CNTN4: variants seen among roughly 807,000 people sequenced by gnomAD.
The protein encoded by CNTN4 is contactin-4.
Under a neutral mutation model 122.5 loss-of-function variants are expected in CNTN4, and 77 were observed. That is an observed-to-expected ratio of 0.63 (90% CI 0.52 to 0.76). The LOEUF is 0.76. CNTN4 is among the 30% of genes least tolerant of loss of function. The pLI is 0.00. For synonymous variants in CNTN4, 512 were observed against 447.0 expected (o/e 1.15, Z -1.83); for missense variants, 1,256 against 1,259.1 (o/e 1.00, Z 0.04).
chr3:2,615,689 T>A (rs932480830), intron 4 of CNTN4, among the ~76,000 whole-genome samples: 15 of 152,106 alleles, frequency 9.9e-5, no homozygotes, highest in Middle Eastern at 3.2e-3. Context: ...ATGTATAGAG[T>A]TGTGCAATTA....
chr3:2,234,460 A>G (rs1014529381), intron 2 of CNTN4, among the ~76,000 whole-genome samples: 1 of 151,152 alleles, frequency 6.6e-6, no homozygotes, highest in African/African-American at 2.4e-5. Context: ...GTCTCTGCTC[A>G]TCTCATTTAT....
At chr3:2,801,896 T>C (rs2092356936) in intron 6 of CNTN4, among the ~76,000 whole-genome samples, 2 of 152,212 alleles carry the variant, frequency 1.3e-5, no homozygotes, top group Non-Finnish European at 2.9e-5. Context: ...ATGCCATCCA[T>C]GTCTGCTTAC....
chr3:2,220,214 A>G (rs1018900010), intron 2 of CNTN4, among the ~76,000 whole-genome samples: 2 of 152,108 alleles, frequency 1.3e-5, no homozygotes, highest in African/African-American at 4.8e-5. Flanking sequence ...ATTTCCCCAG[A>G]TCTTCTCATT....
chr3:2,114,868 A>G (rs1270701825), intron 2 of CNTN4, among the ~76,000 whole-genome samples: 1 of 152,230 alleles, frequency 6.6e-6, no homozygotes. Flanking sequence ...AGTGAGGTGC[A>G]TTCCTTTGCT....
intron 6 of CNTN4, among the ~76,000 whole-genome samples, chr3:2,778,132 G>A (rs373894479): frequency 7.7e-6 from 1 of 130,430 alleles, no homozygotes; most frequent in Non-Finnish European, 1.6e-5. Flanking sequence ...GAGAATGGCG[G>A]GAACCCAGGA....
At chr3:2,155,045 G>A (rs2149140774) in intron 2 of CNTN4, among the ~76,000 whole-genome samples, 1 of 152,328 alleles carries the variant, frequency 6.6e-6, no homozygotes. Context: ...TAAGTGTTTT[G>A]TGTCCTAGAG....
chr3:2,538,314 G>C (rs528455335), intron 3 of CNTN4, among the ~76,000 whole-genome samples: 1 of 152,012 alleles, frequency 6.6e-6, no homozygotes, highest in East Asian at 1.9e-4. Flanking sequence ...CATTTCTCTT[G>C]TTTAACTCAG....
chr3:2,854,114 C>T (rs904063069), intron 7 of CNTN4, among the ~76,000 whole-genome samples: 9 of 151,976 alleles, frequency 5.9e-5, no homozygotes, highest in Admixed American at 4.6e-4. Flanking sequence ...GAACAAAATA[C>T]CTTTATTTTG....
chr3:2,539,407 A>G (rs919131264), intron 3 of CNTN4, among the ~76,000 whole-genome samples: 1 of 152,106 alleles, frequency 6.6e-6, no homozygotes, highest in Non-Finnish European at 1.5e-5. Flanking sequence ...AATTGGCACT[A>G]ATTTCTTTTG....
intron 3 of CNTN4, among the ~76,000 whole-genome samples, chr3:2,551,779 A>G (rs1004854205): frequency 1.3e-5 from 2 of 152,118 alleles, no homozygotes; most frequent in Admixed American, 6.6e-5. Flanking sequence ...CTGTTAGAGA[A>G]TTATGCATAA....
chr3:2,393,879 A>T (rs116741815), intron 3 of CNTN4, among the ~76,000 whole-genome samples: 165 of 152,108 alleles, frequency 1.1e-3, no homozygotes, highest in African/African-American at 2.2e-3. Context: ...CATCATTGTC[A>T]CTGCTCTTGG....
chr3:2,993,890 C>T (rs1031259851), intron 14 of CNTN4, among the ~76,000 whole-genome samples: 1 of 152,100 alleles, frequency 6.6e-6, no homozygotes, highest in Non-Finnish European at 1.5e-5. Context: ...GGACCTTAGC[C>T]TCACCCCAGT....
At chr3:2,282,083 G>A (rs921938658) in intron 2 of CNTN4, among the ~76,000 whole-genome samples, 2 of 151,916 alleles carry the variant, frequency 1.3e-5, no homozygotes, top group African/African-American at 4.8e-5. Context: ...TTATTACTAT[G>A]TGGAAGCTGA....
chr3:2,274,669 G>A (rs1046695254), intron 2 of CNTN4, among the ~76,000 whole-genome samples: 1 of 152,136 alleles, frequency 6.6e-6, no homozygotes, highest in African/African-American at 2.4e-5. Context: ...TTTAAGAAAG[G>A]TTTCAAAAGA....
intron 2 of CNTN4, among the ~76,000 whole-genome samples, chr3:2,111,807 GA>G (rs754327670): frequency 1.4e-4 from 22 of 152,152 alleles, no homozygotes; most frequent in Non-Finnish European, 7.4e-5. Context: ...AATATAATTA[GA>G]CCATCCCTAA....
intron 6 of CNTN4, among the ~76,000 whole-genome samples, chr3:2,808,943 G>A (rs2092538493): frequency 6.6e-6 from 1 of 152,212 alleles, no homozygotes; most frequent in Non-Finnish European, 1.5e-5. Context: ...AGTCCAACAG[G>A]TCTCACCAAC....
At chr3:2,793,329 G>T (rs1041872373) in intron 6 of CNTN4, among the ~76,000 whole-genome samples, 3 of 151,984 alleles carry the variant, frequency 2.0e-5, no homozygotes, top group Admixed American at 1.3e-4. Flanking sequence ...GTAAGACCTT[G>T]TCAGATGAGG....
chr3:2,683,596 G>A (rs777422516), intron 4 of CNTN4, among the ~76,000 whole-genome samples: 1 of 151,904 alleles, frequency 6.6e-6, no homozygotes, highest in Non-Finnish European at 1.5e-5. Flanking sequence ...TGATAATGGT[G>A]ATGAAGATGA....
chr3:2,705,447 CTATATATATAAATA>C (rs1194467744), intron 4 of CNTN4, among the ~76,000 whole-genome samples: 1 of 32,974 alleles, frequency 3.0e-5, no homozygotes, highest in Non-Finnish European at 7.8e-5. Context: ...ATATTTATAT[CTATATATATAAATA>C]TATATATATA....
Sources: gnomAD v4.1 joint callset for allele counts (sites outside exome capture counted in the v4.1 genomes callset) on GRCh38, gnomAD v4.1.1 for gene constraint, MANE v1.5 for transcripts, NCBI Gene and HGNC (gene_info 2026-07-23, HGNC 2026-07-21) for gene names.